TUT7: variants seen among roughly 807,000 people sequenced by gnomAD.
TUT7 encodes the protein terminal uridylyltransferase 7.
TUT7 carries 33 observed loss-of-function variants against 165.9 expected under a neutral mutation model. That is an observed-to-expected ratio of 0.20 (90% CI 0.15 to 0.27). The LOEUF is 0.27. TUT7 is among the 10% of genes least tolerant of loss of function. The probability of loss-of-function intolerance (pLI) is 1.00; values close to 1 mark genes in which losing one functional copy is unlikely to be tolerated. For synonymous variants in TUT7, 552 were observed against 608.1 expected (o/e 0.91, Z 1.36); for missense variants, 1,338 against 1,762.3 (o/e 0.76, Z 4.31).
At position 86,328,396 on chromosome 9, in the gene TUT7, C is replaced by T; in HGVS notation, c.1552G>A (p.Asp518Asn). Residue 518 changes from aspartate (D) to asparagine (N), a missense_variant, in exon 11 of 27, where the codon GAC becomes AAC. Transcript: ENST00000375963. ...GCCTCTTCTTTTGTTATGCCTGTGT[C>T]CCCTGCAGCACTGTCAGTATGTTCC... is the stretch of plus-strand genomic sequence containing the variant. ...IWEHTDSAAG[D>N]TGITKEEAPR... 2 of 1,612,098 alleles carry T rather than the reference C, an allele frequency of 1.2e-6. No individual in the cohort carries two copies. The highest frequency in any genetic ancestry group is 8.5e-7 in the Non-Finnish European group (1 of 1,178,972).
chr9:86,290,314 T>C (rs1825805833), intron 26 of TUT7, among the ~76,000 whole-genome samples: 1 of 152,172 alleles, frequency 6.6e-6, no homozygotes, highest in Non-Finnish European at 1.5e-5. Flanking sequence ...AAATTTTCCA[T>C]AGCAAACATA....
intron 26 of TUT7, among the ~76,000 whole-genome samples, chr9:86,290,141 A>G (rs1393763525): frequency 6.6e-6 from 1 of 152,210 alleles, no homozygotes; most frequent in East Asian, 1.9e-4. Flanking sequence ...AGCAACTGGA[A>G]TAGTACTTGG....
At chr9:86,345,842 T>C in intron 3 of TUT7, 57 bp from the exon 4 acceptor site, 2 of 1,237,658 alleles carry the variant, frequency 1.6e-6, no homozygotes, top group Non-Finnish European at 2.3e-6. Context: ...AACATTCAGA[T>C]AAACAAAATC....
intron 22 of TUT7, among the ~76,000 whole-genome samples, chr9:86,307,152 TA>T (rs1647217012): frequency 6.6e-6 from 1 of 151,934 alleles, no homozygotes; most frequent in African/African-American, 2.4e-5. Context: ...ACGGCACCTG[TA>T]ATCCCAGCTA....
intron 2 of TUT7, among the ~76,000 whole-genome samples, chr9:86,351,519 C>T (rs791325): frequency 0.25 from 37,392 of 152,174 alleles, 6,197 homozygotes; most frequent in Non-Finnish European, 0.35. Flanking sequence ...TAGCACATTT[C>T]CCCCCATTTA....
In TUT7 at chr9:86,312,189, G is replaced by A. The variant is rs1478962671; in HGVS notation, c.3275-1380C>T. On this transcript the variant is annotated intron_variant, in intron 17 of 26. Transcript: ENST00000375963. ...TAGGAAGTGAGGAGCGCCTCTTCCCGGCCGCCATCCCATCTAGGAAGTGAG... is the reference window on the plus strand; with the variant it reads ...TAGGAAGTGAGGAGCGCCTCTTCCCAGCCGCCATCCCATCTAGGAAGTGAG... Among the ~76,000 whole-genome samples the A allele has an allele frequency of 4.2e-4, 64 of 150,970 alleles. 1 individual carries two copies. The highest frequency in any genetic ancestry group is 1.5e-4 in the Non-Finnish European group (10 of 67,766).
chr9:86,295,652 G>A (rs1023999059), intron 26 of TUT7, among the ~76,000 whole-genome samples: 8 of 152,044 alleles, frequency 5.3e-5, no homozygotes, highest in Non-Finnish European at 8.8e-5. Context: ...ATTATTTTAA[G>A]CTTATTATCA....
At position 86,311,804 on chromosome 9, in the gene TUT7, T is replaced by C. The variant is rs991697710; in HGVS notation, c.3275-995A>G. On this transcript the variant is annotated intron_variant, in intron 17 of 26. Transcript: ENST00000375963. The surrounding 1 kb of genome is among the most constrained non-coding windows in gnomAD (Gnocchi z 4.4). ...CTGACTGGTTTTCGTATTTTTTTGGTGGAGACGGGGTTTCGCTGTGTTGGC... is the reference window on the plus strand; with the variant it reads ...CTGACTGGTTTTCGTATTTTTTTGGCGGAGACGGGGTTTCGCTGTGTTGGC... 1.3e-5 allele frequency among the ~76,000 whole-genome samples: 2 copies of C among 152,212 alleles called. No homozygotes were observed. Among genetic ancestry groups the C allele is most frequent in the Admixed American group, 1.3e-4 (2 of 15,282 alleles).
rs762852340 is a variant in TUT7 at position 86,353,248 on chromosome 9, G to A, written c.-31-18C>T. 4.0e-6 allele frequency: 6 copies of A among 1,510,292 alleles called. No homozygotes were observed. The highest frequency in any genetic ancestry group is 1.4e-5 in the South Asian group (1 of 73,660). 93.6% of individuals were successfully genotyped at this position (1,510,292 alleles called of 1,614,324 possible). ...CTTTGCACCTGAAAGAAGGTATTTT[G>A]GGGAAATATCAAACTATATAACAAG... On this transcript the variant is annotated intron_variant, in intron 1 of 26. Transcript: ENST00000375963.
chr9:86,296,758 A>G (rs1339683760), intron 26 of TUT7, among the ~76,000 whole-genome samples: 1 of 152,226 alleles, frequency 6.6e-6, no homozygotes, highest in East Asian at 1.9e-4. Context: ...TTCTTGAGAA[A>G]CTACAAGTGG....
intron 17 of TUT7, among the ~76,000 whole-genome samples, chr9:86,316,518 A>G (rs1828732920): frequency 6.6e-6 from 1 of 152,216 alleles, no homozygotes; most frequent in African/African-American, 2.4e-5. Flanking sequence ...TCAACCCACA[A>G]GCCCAGTCCG....
chr9:86,320,245 A>G (rs1829124917), intron 14 of TUT7, among the ~76,000 whole-genome samples: 1 of 146,572 alleles, frequency 6.8e-6, no homozygotes, highest in African/African-American at 2.5e-5. Context: ...AATATAAAAA[A>G]AAAAAATTTC....
At position 86,328,372 on chromosome 9, in the gene TUT7, C is replaced by T. The variant is rs1829996344; in HGVS notation, c.1576G>A (p.Ala526Thr). ...CTTTTAATCGGCGTTTCTCTTGGTG[C>T]CTCTTCTTTTGTTATGCCTGTGTCC... ...AGDTGITKEE[A>T]PRETPIKRGQ... The change falls in exon 11 of 27, where the codon GCA (alanine) becomes ACA (threonine). Residue 526 changes from alanine to threonine, a missense_variant. By Grantham distance (58) the Ala-to-Thr change is moderately conservative (BLOSUM62 0). This residue lies in a region of TUT7 where 53 missense variants were observed against 46.3 expected (regional missense o/e 1.15). Coordinates refer to ENST00000375963, the MANE Select transcript of TUT7 (RefSeq NM_024617.4). 1.2e-6 allele frequency: 2 copies of T among 1,604,000 alleles called. No homozygotes were observed. Among genetic ancestry groups the T allele is most frequent in the South Asian group, 2.2e-5 (2 of 89,286 alleles).
intron 17 of TUT7, among the ~76,000 whole-genome samples, chr9:86,313,523 C>T (rs1009640058): frequency 3.3e-5 from 5 of 152,160 alleles, no homozygotes; most frequent in African/African-American, 9.7e-5. Context: ...TTATCACCCT[C>T]ATCTTACAGA....
At chr9:86,319,346 T>C (rs769216056) in intron 15 of TUT7, among the ~76,000 whole-genome samples, 2 of 152,236 alleles carry the variant, frequency 1.3e-5, no homozygotes, top group Non-Finnish European at 2.9e-5. Context: ...TTTAATAATG[T>C]AAGCTTAACT....
At chr9:86,301,059 A>G (rs1192138716) in intron 26 of TUT7, among the ~76,000 whole-genome samples, 1 of 152,242 alleles carries the variant, frequency 6.6e-6, no homozygotes, top group Non-Finnish European at 1.5e-5. Flanking sequence ...AGTTCACCAA[A>G]TGACTCTCAT....
At position 86,337,546 on chromosome 9, in the gene TUT7, C is replaced by A; in HGVS notation, c.1336-8G>T. On this transcript the variant is annotated splice_region_variant and splice_polypyrimidine_tract_variant and intron_variant, in intron 9 of 26. Transcript: ENST00000375963. ...GCGATCTATACTGCAAAGCTACAAA[C>A]AAGAGAAAAGAAAGTTAAGCATTCT... 1.9e-6 allele frequency: 3 copies of A among 1,588,636 alleles called. No individual in the cohort carries two copies. Among genetic ancestry groups the A allele is most frequent in the Middle Eastern group, 3.4e-4 (2 of 5,914 alleles).
chr9:86,348,340 A>G (rs1831955100), intron 2 of TUT7, among the ~76,000 whole-genome samples: 1 of 152,240 alleles, frequency 6.6e-6, no homozygotes, highest in Non-Finnish European at 1.5e-5. Context: ...TTTAATCCCT[A>G]CAGCAATCCT....
chr9:86,324,048 A>C, intron 12 of TUT7, 88 bp from the exon 13 acceptor site: 1 of 1,165,148 alleles, frequency 8.6e-7, no homozygotes, highest in Non-Finnish European at 1.1e-6. Context: ...CTGCAGATAA[A>C]AACAGACAAC....
Sources: allele counts gnomAD v4.1 joint callset (sites outside exome capture counted in the v4.1 genomes callset), GRCh38; gene constraint gnomAD v4.1.1; regional missense constraint gnomAD v4.1.1; non-coding constraint Gnocchi (gnomAD v3.1); transcripts MANE v1.5; gene names NCBI Gene and HGNC (gene_info 2026-07-23, HGNC 2026-07-21).